Variants in CD69 observed in about 807,000 individuals in gnomAD.
The protein encoded by CD69 is CD69 molecule.
CD69 carries 10 observed loss-of-function variants against 21.4 expected under a neutral mutation model. That is an observed-to-expected ratio of 0.47 (90% CI 0.29 to 0.79). The LOEUF is 0.79. Ranked by LOEUF, CD69 falls within the 30% of genes least tolerant of loss-of-function variation. The pLI, the probability that CD69 is intolerant of heterozygous loss-of-function variation, is 0.09. For synonymous variants in CD69, 63 were observed against 78.2 expected (o/e 0.81, Z 1.03); for missense variants, 204 against 236.9 (o/e 0.86, Z 0.91).
chr12:9,756,277 T>C lies in CD69; in HGVS notation c.187+20A>G, dbSNP rs770674039. 5.6e-6 allele frequency: 9 copies of C among 1,598,630 alleles called. No homozygotes were observed. The highest frequency in any genetic ancestry group is 5.2e-5 in the Admixed American group (3 of 58,136). On this transcript the variant is annotated intron_variant, in intron 2 of 4. Transcript: ENST00000228434. ...TTACAGCTAGGAGGCTTTGAAAGAA[T>C]TGATGAAGTGTAGACCCACCTGATA...
intron 3 of CD69, 25 bp downstream of exon 3, chr12:9,755,035 AGT>A (rs1167962792): frequency 1.3e-6 from 2 of 1,560,054 alleles, no homozygotes; most frequent in Non-Finnish European, 1.8e-6. Flanking sequence ...TTAAAATAGT[AGT>A]ATTTTATCTT....
chr12:9,760,816 C>A lies in CD69; in HGVS notation c.5G>T (p.Ser2Ile). The A allele has an allele frequency of 6.2e-7, 1 of 1,611,422 alleles. No individual in the cohort carries two copies. The highest frequency in any genetic ancestry group is 8.5e-7 in the Non-Finnish European group (1 of 1,179,232). The change falls in exon 1 of 5, where the codon AGC becomes ATC. Residue 2 changes from serine (S) to isoleucine (I), a missense_variant. Ser to Ile is a moderately radical substitution (Grantham distance 142). Coordinates refer to ENST00000228434, the MANE Select transcript of CD69 (RefSeq NM_001781.2). ...CTCTGCTACGAAACAATTTTCAGAG[C>A]TCATCTTTATTCTCAAGATTCCCTA... M[S>I]SENCFVAENS... is the part of the protein sequence containing the mutation.
Position 9,753,602 on chromosome 12 carries a change from A to T in CD69, c.492-13T>A, listed in dbSNP as rs1480768755. 4.8e-6 allele frequency: 6 copies of T among 1,260,892 alleles called. 1 individual carries two copies. Among genetic ancestry groups the T allele is most frequent in the Non-Finnish European group, 6.8e-6 (6 of 877,696 alleles). 78.1% of individuals were successfully genotyped at this position (1,260,892 alleles called of 1,614,324 possible). On this transcript the variant is annotated splice_polypyrimidine_tract_variant and intron_variant, in intron 4 of 4. Coordinates refer to ENST00000228434, the MANE Select transcript of CD69 (RefSeq NM_001781.2). ...TGTAACGTTGAACCTGTCAAACAAT[A>T]AAAAAACTTAGAATTATTTTCAGCT... is the stretch of plus-strand genomic sequence containing the variant.
At chr12:9,758,533 A>G (rs767335074) in intron 1 of CD69, among the ~76,000 whole-genome samples, 7 of 152,312 alleles carry the variant, frequency 4.6e-5, no homozygotes, top group African/African-American at 9.6e-5. Flanking sequence ...ACTGGTGTCC[A>G]CATCAACTTT....
rs768473883 is a variant in CD69, at chr12:9,756,405, G to C, written c.79C>G (p.Pro27Ala). 6.2e-7 allele frequency: 1 copy of C among 1,613,572 alleles called. No homozygotes were observed. Among genetic ancestry groups the C allele is most frequent in the Non-Finnish European group, 8.5e-7 (1 of 1,179,666 alleles). ...CCTTCATGACGTGTTGAGAAATGGG[G>C]ACTGGTGGCATCATCTGGAAGGGAG... ...ESGQENDATS[P>A]HFSTRHEGSF... The change falls in exon 2 of 5, where the codon CCC (proline) becomes GCC (alanine). Residue 27 changes from proline (P) to alanine (A), a missense_variant. By Grantham distance (27) the Pro-to-Ala change is conservative (BLOSUM62 -1). Transcript: ENST00000228434.
At chr12:9,758,014 A>G (rs1323315627) in intron 1 of CD69, among the ~76,000 whole-genome samples, 5 of 152,222 alleles carry the variant, frequency 3.3e-5, no homozygotes, top group African/African-American at 7.2e-5. Context: ...ATATTCAGCG[A>G]AAGTTATTTC....
chr12:9,759,116 A>G (rs1238505343), intron 1 of CD69, among the ~76,000 whole-genome samples: 2 of 152,098 alleles, frequency 1.3e-5, no homozygotes, highest in Non-Finnish European at 1.5e-5. Flanking sequence ...TTTTTAGTAC[A>G]GACGGGGTTT....
rs1866669669 is a variant in CD69, at chr12:9,755,170, C to G, written c.279G>C (p.Gln93His). The G allele has an allele frequency of 6.2e-7, 1 of 1,614,032 alleles. No homozygotes were observed. ...CAGTAGAAATAAAGTAGCATTTCCT[C>G]TGGTAGCCAACCCAGTCCTCAGAGC... ...SSCSEDWVGY[Q>H]RKCYFISTVK... is the part of the protein sequence containing the mutation. The change falls in exon 3 of 5, where the codon CAG becomes CAC. Residue 93 changes from glutamine to histidine, a missense_variant. Transcript: ENST00000228434.
At chr12:9,756,811 A>G (rs746829312) in intron 1 of CD69, among the ~76,000 whole-genome samples, 2 of 152,172 alleles carry the variant, frequency 1.3e-5, no homozygotes, top group African/African-American at 2.4e-5. Flanking sequence ...ATGGTGGCTC[A>G]CACCTGTAAT....
intron 1 of CD69, among the ~76,000 whole-genome samples, chr12:9,759,993 C>A (rs1866718172): frequency 6.7e-6 from 1 of 150,344 alleles, no homozygotes; most frequent in African/African-American, 2.5e-5. Context: ...AAAGGAAGAA[C>A]AAATTCTAAG....
chr12:9,755,081 A>C lies in CD69; in HGVS notation c.368T>G (p.Ile123Ser). The C allele has an allele frequency of 6.2e-7, 1 of 1,614,016 alleles. No individual in the cohort carries two copies. Among genetic ancestry groups the C allele is most frequent in the Non-Finnish European group, 8.5e-7 (1 of 1,179,872 alleles). Residue 123 changes from isoleucine (I) to serine (S), a missense_variant, in exon 3 of 5, where the codon ATT becomes AGT. By Grantham distance (142) the Ile-to-Ser change is moderately radical. Coordinates refer to ENST00000228434, the MANE Select transcript of CD69 (RefSeq NM_001781.2). ...CSEHGATLAV[I>S]DSEKDMNFLK... is the part of the protein sequence containing the mutation. ...TCTTACCATGTCCTTTTCAGAATCA[A>C]TGACAGCAAGAGTAGCACCATGTTC...
At position 9,754,607 on chromosome 12, in the gene CD69, A is replaced by T. The variant is rs1713254989; in HGVS notation, c.471T>A (p.Asn157Lys). 1 of 1,607,612 alleles carries T rather than the reference A, an allele frequency of 6.2e-7. No individual in the cohort carries two copies. The highest frequency in any genetic ancestry group is 8.5e-7 in the Non-Finnish European group (1 of 1,174,066). Residue 157 changes from asparagine (N) to lysine (K), a missense_variant, in exon 4 of 5, where the codon AAT becomes AAA. Transcript: ENST00000228434. Reference sequence around the variant, plus strand: ...CTTACCAGTTGTTAAATTCTTTGCCATTTGACCACTTCCATGGGTGACCAG... The same window carrying T: ...CTTACCAGTTGTTAAATTCTTTGCCTTTTGACCACTTCCATGGGTGACCAG... ...KEPGHPWKWSNGKEFNNWFNV... is the reference protein window; with the variant it reads ...KEPGHPWKWSKGKEFNNWFNV...
intron 1 of CD69, among the ~76,000 whole-genome samples, chr12:9,758,987 T>G (rs1866705136): frequency 6.8e-6 from 1 of 147,794 alleles, no homozygotes; most frequent in Non-Finnish European, 1.5e-5. Context: ...TGGAGTGCAG[T>G]TGCGTGATCT....
rs181832450 is a variant in CD69, at chr12:9,753,398, T to C, written c.*83A>G. 48 of 582,882 alleles carry C rather than the reference T, an allele frequency of 8.2e-5. No individual in the cohort carries two copies. The African/African-American group carries it at 8.7e-4, about 11-fold the overall frequency. The allele number at this position is 582,882 out of a possible 1,614,324, so 36.1% of individuals were successfully genotyped here. ...TTTTCACAAAGTCTCTATGGAAGAC[T>C]TCGGACCACAGAGCAGCATCCACTG... On this transcript the variant is annotated 3_prime_UTR_variant, in exon 5 of 5. Transcript: ENST00000228434.
At chr12:9,755,566 T>C (rs1591727855) in intron 2 of CD69, among the ~76,000 whole-genome samples, 1 of 152,238 alleles carries the variant, frequency 6.6e-6, no homozygotes, top group Non-Finnish European at 1.5e-5. Context: ...TTCTTTGGAC[T>C]AGAAAGGATA....
intron 1 of CD69, among the ~76,000 whole-genome samples, chr12:9,758,347 G>A (rs1023820809): frequency 6.6e-6 from 1 of 152,064 alleles, no homozygotes; most frequent in Non-Finnish European, 1.5e-5. Context: ...AACTGACAAT[G>A]CAAAACAGTT....
At position 9,756,638 on chromosome 12, in the gene CD69, T is replaced by C. The variant is rs113973110; in HGVS notation, c.65-219A>G. 1.5e-4 allele frequency among the ~76,000 whole-genome samples: 23 copies of C among 152,288 alleles called. 1 individual carries two copies. Among genetic ancestry groups the C allele is most frequent in the African/African-American group, 5.5e-4 (23 of 41,552 alleles). On this transcript the variant is annotated intron_variant, in intron 1 of 4. Coordinates refer to ENST00000228434, the MANE Select transcript of CD69 (RefSeq NM_001781.2). ...AAATGAAACAATTCAAGCATAATGATGAGATTATAAAGTGTCTCCCCAAAA... is the reference window on the plus strand; with the variant it reads ...AAATGAAACAATTCAAGCATAATGACGAGATTATAAAGTGTCTCCCCAAAA...
At chr12:9,759,050 C>G (rs1241170409) in intron 1 of CD69, among the ~76,000 whole-genome samples, 1 of 152,158 alleles carries the variant, frequency 6.6e-6, no homozygotes, top group East Asian at 1.9e-4. Context: ...CTGCCTCAGC[C>G]TCCTAAGTAG....
In CD69 at chr12:9,753,389, A is replaced by G. The variant is rs1157923211; in HGVS notation, c.*92T>C. On this transcript the variant is annotated 3_prime_UTR_variant, in exon 5 of 5. Transcript: ENST00000228434. The stretch of plus-strand genomic sequence containing the variant: ...TAAAATTTTTTTTCACAAAGTCTCT[A>G]TGGAAGACTTCGGACCACAGAGCAG... 10 of 527,430 alleles carry G rather than the reference A, an allele frequency of 1.9e-5. No individual in the cohort carries two copies. The highest frequency in any genetic ancestry group is 6.7e-5 in the East Asian group (2 of 30,062). 32.7% of individuals were successfully genotyped at this position (527,430 alleles called of 1,614,324 possible). A position where few individuals can be genotyped will look rare whatever the true frequency, so the allele number is the denominator to read the frequency against.
Sources: gnomAD v4.1 joint callset for allele counts (sites outside exome capture counted in the v4.1 genomes callset) on GRCh38, gnomAD v4.1.1 for gene constraint, MANE v1.5 for transcripts, NCBI Gene and HGNC (gene_info 2026-07-23, HGNC 2026-07-21) for gene names.